Variants in UBR4 observed in about 807,000 individuals in gnomAD.
UBR4 encodes the protein ubiquitin protein ligase E3 component n-recognin 4, also known as E3 ubiquitin-protein ligase UBR4.
UBR4 carries 124 observed loss-of-function variants against 575.6 expected under a neutral mutation model. The observed-to-expected ratio is 0.22, with a 90% CI of 0.19 to 0.25. The LOEUF is 0.25. Ranked by LOEUF, UBR4 falls within the 10% of genes least tolerant of loss-of-function variation. The pLI is 1.00. For missense variants in UBR4, 4,818 were observed against 6,478.8 expected, an observed-to-expected ratio of 0.74 and a Z score of 8.80; for synonymous variants, 2,455 against 2,473.7, an observed-to-expected ratio of 0.99 and a Z score of 0.22.
chr1:19,096,796 C>A lies in UBR4; in HGVS notation c.13391-146G>T, dbSNP rs948725263. 19 of 1,217,986 alleles carry A rather than the reference C, an allele frequency of 1.6e-5. No homozygotes were observed. The African/African-American group carries it at 2.7e-4, about 18-fold the overall frequency. 75.4% of individuals were successfully genotyped at this position (1,217,986 alleles called of 1,614,324 possible). ...TAAAGACACGGCCAATAAAAGGGGTCAATGATGGATGATATTAAACTGTCC... is the reference window on the plus strand; with the variant it reads ...TAAAGACACGGCCAATAAAAGGGGTAAATGATGGATGATATTAAACTGTCC... On this transcript the variant is annotated intron_variant, in intron 91 of 105. Coordinates refer to ENST00000375254, the MANE Select transcript of UBR4 (RefSeq NM_020765.3).
chr1:19,111,783 T>C (rs1381467836), intron 78 of UBR4: 3 of 151,640 alleles, frequency 2.0e-5, no homozygotes, highest in African/African-American at 4.9e-5. Flanking sequence ...ACTACACCTG[T>C]CTAATTTTGT....
At position 19,152,722 on chromosome 1, in the gene UBR4, T is replaced by C. The variant is rs917583817; in HGVS notation, c.6833-246A>G. ...GTATTGGGTGTACAGCTAATAACAA[T>C]AGGCTCTCCTGTAACTGGGTTATTT... On this transcript the variant is annotated intron_variant, in intron 46 of 105. Coordinates refer to ENST00000375254, the MANE Select transcript of UBR4 (RefSeq NM_020765.3). This position sits in a 1 kb window ranked among gnomAD's most constrained non-coding sequence, Gnocchi z 4.4. Among the ~76,000 whole-genome samples, 14 of 152,234 alleles carry C rather than the reference T, an allele frequency of 9.2e-5. No homozygotes were observed. The highest frequency in any genetic ancestry group is 1.4e-4 in the African/African-American group (6 of 41,466).
rs370944120 is a variant in UBR4, at chr1:19,198,066, G to A, written c.649-17C>T. The A allele has an allele frequency of 1.2e-6, 2 of 1,610,398 alleles. No homozygotes were observed. Among genetic ancestry groups the A allele is most frequent in the African/African-American group, 1.3e-5 (1 of 74,944 alleles). On this transcript the variant is annotated splice_polypyrimidine_tract_variant and intron_variant, in intron 5 of 105. Coordinates refer to ENST00000375254, the MANE Select transcript of UBR4 (RefSeq NM_020765.3). Reference sequence around the variant, plus strand: ...TCCTTCCACCTGAAAAGAAACATAAGGCCTGTCAAGATACTATTATCTCTT... The same window carrying A: ...TCCTTCCACCTGAAAAGAAACATAAAGCCTGTCAAGATACTATTATCTCTT...
Position 19,153,437 on chromosome 1 carries a change from C to T in UBR4, c.6696G>A (p.Leu2232=). 1 of 1,614,146 alleles carries T rather than the reference C, an allele frequency of 6.2e-7. No individual in the cohort carries two copies. Among genetic ancestry groups the T allele is most frequent in the Non-Finnish European group, 8.5e-7 (1 of 1,180,022 alleles). The change falls in exon 46 of 106, where the codon CTG becomes CTA. Residue 2232 remains leucine, a synonymous_variant. Transcript: ENST00000375254. This position sits in a 1 kb window ranked among gnomAD's most constrained non-coding sequence, Gnocchi z 4.1. ...TGCGCAGGCTGCCATCCTCACACAGCAGAATCATTGTTGTCCGCTGCTGCT... is the reference window on the plus strand; with the variant it reads ...TGCGCAGGCTGCCATCCTCACACAGTAGAATCATTGTTGTCCGCTGCTGCT... ...CNEQQRTTMI[L]LCEDGSLRIY...
At position 19,167,010 on chromosome 1, in the gene UBR4, C is replaced by T; in HGVS notation, c.4109+12G>A. 2 of 1,614,096 alleles carry T rather than the reference C, an allele frequency of 1.2e-6. No homozygotes were observed. The highest frequency in any genetic ancestry group is 1.7e-6 in the Non-Finnish European group (2 of 1,179,946). Reference sequence around the variant, plus strand: ...GGTCATAGGAAACCTGACTGTTCTCCATCAGGCTCACCTGTTAGGATCTGC... The same window carrying T: ...GGTCATAGGAAACCTGACTGTTCTCTATCAGGCTCACCTGTTAGGATCTGC... On this transcript the variant is annotated intron_variant, in intron 29 of 105. Transcript: ENST00000375254.
intron 2 of UBR4, among the ~76,000 whole-genome samples, chr1:19,200,698 T>G (rs1474731431): frequency 1.3e-5 from 2 of 152,204 alleles, no homozygotes; most frequent in Non-Finnish European, 2.9e-5. Context: ...ATAAAGTTTC[T>G]CCAAGCTAAA....
chr1:19,109,980 C>G, intron 81 of UBR4, 116 bp downstream of exon 81: 1 of 1,496,646 alleles, frequency 6.7e-7, no homozygotes, highest in Non-Finnish European at 9.1e-7. Context: ...TGGAGCCTCT[C>G]AGGGGAGGTG....
intron 65 of UBR4, among the ~76,000 whole-genome samples, chr1:19,123,616 C>T (rs1427480671): frequency 6.6e-6 from 1 of 152,108 alleles, no homozygotes; most frequent in African/African-American, 2.4e-5. Context: ...GCATCTCTTC[C>T]TTGTGCCCTT....
In UBR4 at chr1:19,110,820, T is replaced by C; in HGVS notation, c.11814A>G (p.Glu3938=). 6.2e-7 allele frequency: 1 copy of C among 1,614,124 alleles called. No homozygotes were observed. Among genetic ancestry groups the C allele is most frequent in the Non-Finnish European group, 8.5e-7 (1 of 1,180,008 alleles). The change falls in exon 79 of 106, where the codon GAA becomes GAG. Residue 3938 remains glutamate (E), a synonymous_variant. Coordinates refer to ENST00000375254, the MANE Select transcript of UBR4 (RefSeq NM_020765.3). The surrounding 1 kb of genome is among the most constrained non-coding windows in gnomAD (Gnocchi z 4.5). ...TCAGGTCATTCATCTGTTGGGTGGC[T>C]TCTGGGTTGTCTCTGCAGAAGCAAA... ...LMCLLTRDNP[E]ATQQMNDLII...
intron 73 of UBR4, among the ~76,000 whole-genome samples, chr1:19,116,226 A>C (rs546493296): frequency 6.6e-6 from 1 of 152,286 alleles, no homozygotes; most frequent in Admixed American, 6.5e-5. Context: ...GTGGGGTCCT[A>C]CCTCCATTTT....
chr1:19,164,911 A>C lies in UBR4; in HGVS notation c.4399T>G (p.Trp1467Gly). 6.2e-7 allele frequency: 1 copy of C among 1,614,184 alleles called. No individual in the cohort carries two copies. The highest frequency in any genetic ancestry group is 8.5e-7 in the Non-Finnish European group (1 of 1,180,030). Residue 1467 changes from tryptophan (W) to glycine (G), a missense_variant, in exon 32 of 106, where the codon TGG becomes GGG. Physicochemically the swap from Trp to Gly is radical, Grantham distance 184. Around this residue, in one of 29 missense-constraint regions of UBR4, gnomAD observed 1,172 missense variants for 1,259.7 expected, o/e 0.93. Coordinates refer to ENST00000375254, the MANE Select transcript of UBR4 (RefSeq NM_020765.3). ...ACVEPVRLQA[W>G]LTRMTTSPPK... ...GGCGATGTAGTCATGCGGGTGAGCCAGGCCTGCAGGCGCACAGGTTCCACA... is the reference window on the plus strand; with the variant it reads ...GGCGATGTAGTCATGCGGGTGAGCCCGGCCTGCAGGCGCACAGGTTCCACA...
chr1:19,084,520 G>A lies in UBR4; in HGVS notation c.14992C>T (p.Leu4998Phe), dbSNP rs138381007. The change falls in exon 102 of 106, where the codon CTT becomes TTT. Residue 4998 changes from leucine (L) to phenylalanine (F), a missense_variant. Physicochemically the swap from Leu to Phe is conservative, Grantham distance 22. Transcript: ENST00000375254. The part of the protein sequence containing the change: ...HLIPYIIHTV[L>F]YVLNTTRATS... ...GGTACTGACGTGTTCAGGACGTAAAGCACAGTGTGAATGATGTACGGGATC... is the reference window on the plus strand; with the variant it reads ...GGTACTGACGTGTTCAGGACGTAAAACACAGTGTGAATGATGTACGGGATC... 14 of 1,613,028 alleles carry A rather than the reference G, an allele frequency of 8.7e-6. No individual in the cohort carries two copies. The highest frequency in any genetic ancestry group is 1.2e-5 in the Non-Finnish European group (14 of 1,179,360).
In UBR4 at chr1:19,175,047, T is replaced by C. The variant is rs1432380286; in HGVS notation, c.2774-14A>G. The stretch of plus-strand genomic sequence containing the variant: ...GTGGGACAGCATCTGAAAAGTAATA[T>C]GCTGATTAAAAGAATGGTTCCATTC... On this transcript the variant is annotated splice_polypyrimidine_tract_variant and intron_variant, in intron 20 of 105. Coordinates refer to ENST00000375254, the MANE Select transcript of UBR4 (RefSeq NM_020765.3). 20 of 1,607,472 alleles carry C rather than the reference T, an allele frequency of 1.2e-5. No homozygotes were observed. The highest frequency in any genetic ancestry group is 2.7e-5 in the African/African-American group (2 of 74,742).
Position 19,139,324 on chromosome 1 carries a change from T to G in UBR4, c.8594-104A>C. On this transcript the variant is annotated intron_variant, in intron 58 of 105. Coordinates refer to ENST00000375254, the MANE Select transcript of UBR4 (RefSeq NM_020765.3). The surrounding 1 kb of genome is among the most constrained non-coding windows in gnomAD (Gnocchi z 4.2). Reference sequence around the variant, plus strand: ...CTTGGGATGAAAGCATCAAACCACATAGTGCATAGGACACAATGCAGTTTA... The same window carrying G: ...CTTGGGATGAAAGCATCAAACCACAGAGTGCATAGGACACAATGCAGTTTA... 7.0e-7 allele frequency: 1 copy of G among 1,434,734 alleles called. No individual in the cohort carries two copies. The highest frequency in any genetic ancestry group is 2.5e-5 in the Admixed American group (1 of 40,392). 88.9% of individuals were successfully genotyped at this position (1,434,734 alleles called of 1,614,324 possible).
Position 19,120,171 on chromosome 1 carries a change from T to C in UBR4, c.10310+9A>G, listed in dbSNP as rs768717846. 6.2e-7 allele frequency: 1 copy of C among 1,613,542 alleles called. No individual in the cohort carries two copies. Among genetic ancestry groups the C allele is most frequent in the South Asian group, 1.1e-5 (1 of 91,064 alleles). On this transcript the variant is annotated intron_variant, in intron 69 of 105. Coordinates refer to ENST00000375254, the MANE Select transcript of UBR4 (RefSeq NM_020765.3). ...CTTGCAGATCTGTCAAACCAAGCCC[T>C]GGCCCTACCTGTAGATGTGCAGTGT...
Position 19,106,940 on chromosome 1 carries a change from C to T in UBR4, c.12132G>A (p.Thr4044=), listed in dbSNP as rs147094313. 7.4e-6 allele frequency: 12 copies of T among 1,612,358 alleles called. No individual in the cohort carries two copies. The highest frequency in any genetic ancestry group is 2.2e-5 in the South Asian group (2 of 90,992). The change falls in exon 82 of 106, where the codon ACG becomes ACA. Residue 4044 remains threonine, a synonymous_variant. Transcript: ENST00000375254. ...NKDVPVEALT[T]VKPYCNEIHA... Reference sequence around the variant, plus strand: ...GGATCTCATTGCAGTATGGCTTCACCGTGGTGAGGGCCTCAACGGGGACAT... The same window carrying T: ...GGATCTCATTGCAGTATGGCTTCACTGTGGTGAGGGCCTCAACGGGGACAT...
chr1:19,206,492 G>A (rs191447276), intron 1 of UBR4, among the ~76,000 whole-genome samples: 3 of 152,144 alleles, frequency 2.0e-5, no homozygotes, highest in South Asian at 2.1e-4. Flanking sequence ...GCGCCACCAC[G>A]CCCAGCTAAT....
In UBR4 at chr1:19,128,903, T is replaced by C. The variant is rs1387458297; in HGVS notation, c.9003+75A>G. The C allele has an allele frequency of 1.2e-5, 16 of 1,385,580 alleles. No individual in the cohort carries two copies. The East Asian group carries it at 2.3e-4, about 20-fold the overall frequency. 85.8% of individuals were successfully genotyped at this position (1,385,580 alleles called of 1,614,324 possible). A position where few individuals can be genotyped will look rare whatever the true frequency, so the allele number is the denominator to read the frequency against. On this transcript the variant is annotated intron_variant, in intron 61 of 105. Coordinates refer to ENST00000375254, the MANE Select transcript of UBR4 (RefSeq NM_020765.3). ...ACCAAACGAAGGCTTCCAGGTCCTCTGGAAGAGAGATGTGGGCATGCTTAA... is the reference window on the plus strand; with the variant it reads ...ACCAAACGAAGGCTTCCAGGTCCTCCGGAAGAGAGATGTGGGCATGCTTAA...
At chr1:19,177,820 G>A in intron 18 of UBR4, 77 bp from the exon 19 acceptor site, 4 of 1,479,828 alleles carry the variant, frequency 2.7e-6, no homozygotes, top group African/African-American at 1.4e-5. Context: ...AGCACTAGAA[G>A]AGTTAAATTT....
Sources: allele counts gnomAD v4.1 joint callset (sites outside exome capture counted in the v4.1 genomes callset), GRCh38; gene constraint gnomAD v4.1.1; regional missense constraint gnomAD v4.1.1; non-coding constraint Gnocchi (gnomAD v3.1); transcripts MANE v1.5; gene names NCBI Gene and HGNC (gene_info 2026-07-23, HGNC 2026-07-21).